The following FABP6 variants were observed in gnomAD, a reference collection of about 807,000 sequenced individuals.
The protein encoded by FABP6 is fatty acid binding protein 6.
Under a neutral mutation model 14.9 loss-of-function variants are expected in FABP6, and 13 were observed. The observed-to-expected ratio is 0.87, with a 90% CI of 0.57 to 1.39. FABP6 has a LOEUF of 1.39. Among genes scored for constraint, FABP6 ranks in the 40% most tolerant of loss-of-function variants. The pLI, the probability that FABP6 is intolerant of heterozygous loss-of-function variation, is 0.00. For synonymous variants in FABP6, 75 were observed against 63.6 expected (o/e 1.18, Z -0.85); for missense variants, 161 against 167.2 (o/e 0.96, Z 0.20).
chr5:160,224,171 G>A (rs1056635479), intron 3 of FABP6, among the ~76,000 whole-genome samples: 17 of 152,268 alleles, frequency 1.1e-4, no homozygotes, highest in Middle Eastern at 3.4e-3. Flanking sequence ...AGGAGGTGAA[G>A]CTTGCAGTGA....
upstream of FABP6, among the ~76,000 whole-genome samples, chr5:160,226,366 G>A (rs1760246810): frequency 1.3e-5 from 2 of 151,660 alleles, no homozygotes; most frequent in South Asian, 4.2e-4. Flanking sequence ...TTCGAGACCA[G>A]CCTCGCCAAC....
At chr5:160,199,519 G>A (rs1388389858) in intron 2 of FABP6, among the ~76,000 whole-genome samples, 3 of 152,256 alleles carry the variant, frequency 2.0e-5, no homozygotes, top group South Asian at 4.1e-4. Flanking sequence ...GGCCACCAGA[G>A]GGCGCGCCAG....
intron 3 of FABP6, among the ~76,000 whole-genome samples, chr5:160,236,444 T>TG (rs1258586715): frequency 3.3e-5 from 5 of 152,074 alleles, no homozygotes; most frequent in African/African-American, 9.7e-5. Context: ...ATGGGTTTGG[T>TG]GGGGGGACAC....
intron 1 of FABP6, among the ~76,000 whole-genome samples, chr5:160,189,633 G>A (rs1759357535): frequency 6.6e-6 from 1 of 152,106 alleles, no homozygotes; most frequent in Non-Finnish European, 1.5e-5. Context: ...CACTTTGGGA[G>A]GCTAAGGCAG....
chr5:160,213,093 A>T (rs533420913), intron 2 of FABP6, among the ~76,000 whole-genome samples: 1 of 152,182 alleles, frequency 6.6e-6, no homozygotes, highest in Non-Finnish European at 1.5e-5. Flanking sequence ...CACCCAGAGC[A>T]GTTGGCCCTC....
At chr5:160,211,140 G>A (rs1184544999) in intron 2 of FABP6, among the ~76,000 whole-genome samples, 1 of 152,096 alleles carries the variant, frequency 6.6e-6, no homozygotes, top group East Asian at 1.9e-4. Flanking sequence ...GTCCTGGGGA[G>A]CTGAGAAGTC....
intron 2 of FABP6, among the ~76,000 whole-genome samples, chr5:160,233,313 G>A (rs990431024): frequency 1.2e-4 from 18 of 151,928 alleles, no homozygotes; most frequent in Admixed American, 2.6e-4. Context: ...TCTCTGTGTA[G>A]CACAGAGATA....
chr5:160,229,494 A>G, upstream of FABP6: 2 of 1,611,064 alleles, frequency 1.2e-6, no homozygotes, highest in Non-Finnish European at 1.7e-6. Context: ...CTGGGATAGC[A>G]GACCCCTCAG....
At chr5:160,205,608 G>C (rs983717279) in intron 2 of FABP6, among the ~76,000 whole-genome samples, 1 of 152,176 alleles carries the variant, frequency 6.6e-6, no homozygotes, top group African/African-American at 2.4e-5. Flanking sequence ...ATGGAGATTG[G>C]TTTACCTTTG....
chr5:160,194,840 C>G (rs1332561168), intron 1 of FABP6, among the ~76,000 whole-genome samples: 1 of 152,212 alleles, frequency 6.6e-6, no homozygotes, highest in African/African-American at 2.4e-5. Context: ...TCCCCACTCC[C>G]TGCCCACCCC....
chr5:160,227,918 A>G (rs1215108323), upstream of FABP6, among the ~76,000 whole-genome samples: 7 of 151,322 alleles, frequency 4.6e-5, no homozygotes, highest in East Asian at 1.3e-3. Flanking sequence ...AAATTCCAAG[A>G]TTGGAGATTA....
chr5:160,203,857 A>G (rs557924731), intron 2 of FABP6, among the ~76,000 whole-genome samples: 3 of 152,078 alleles, frequency 2.0e-5, no homozygotes, highest in Admixed American at 2.0e-4. Flanking sequence ...ACGCGCCAAC[A>G]TGCCTGGTTA....
chr5:160,201,858 G>T (rs1003659634), intron 2 of FABP6, among the ~76,000 whole-genome samples: 5 of 152,136 alleles, frequency 3.3e-5, no homozygotes, highest in Non-Finnish European at 7.3e-5. Context: ...CACCTTCCAG[G>T]CTCAAGTGAT....
intron 3 of FABP6, among the ~76,000 whole-genome samples, chr5:160,217,466 C>G (rs544852694): frequency 6.6e-6 from 1 of 152,272 alleles, no homozygotes; most frequent in East Asian, 1.9e-4. Flanking sequence ...CACTGCAAAG[C>G]TGGGAATTGG....
chr5:160,202,479 T>C (rs1221419442), intron 2 of FABP6, among the ~76,000 whole-genome samples: 3 of 152,066 alleles, frequency 2.0e-5, no homozygotes, highest in Non-Finnish European at 2.9e-5. Context: ...AAAAGCAAAA[T>C]GTCAACAAAT....
intron 3 of FABP6, among the ~76,000 whole-genome samples, chr5:160,222,082 A>T (rs1760138410): frequency 6.8e-6 from 1 of 146,288 alleles, no homozygotes; most frequent in African/African-American, 2.5e-5. Context: ...GTTCTTTCCA[A>T]ATTTTTTCTT....
At chr5:160,211,497 G>C (rs1387049538) in intron 2 of FABP6, among the ~76,000 whole-genome samples, 5 of 152,254 alleles carry the variant, frequency 3.3e-5, no homozygotes, top group African/African-American at 1.2e-4. Flanking sequence ...CTGTCAACGA[G>C]GACACCCCAG....
rs145245535 is a variant in FABP6, at chr5:160,232,253, A to G, written c.223A>G (p.Met75Val). Residue 75 changes from methionine to valine, a missense_variant, in exon 2 of 4, where the codon ATG becomes GTG. By Grantham distance (21) the Met-to-Val change is conservative. Transcript: ENST00000402432. Reference protein sequence around the residue: ...TVGKESNIQTMGGKTFKATVQ... With the variant: ...TVGKESNIQTVGGKTFKATVQ... Reference sequence around the variant, plus strand: ...TGGCAAGGAAAGCAACATACAGACAATGGGGGGCAAGACGTTCAAGGTGAG... The same window carrying G: ...TGGCAAGGAAAGCAACATACAGACAGTGGGGGGCAAGACGTTCAAGGTGAG... The G allele has an allele frequency of 5.1e-4, 825 of 1,610,118 alleles. No individual in the cohort carries two copies. Among genetic ancestry groups the G allele is most frequent in the Non-Finnish European group, 6.5e-4 (770 of 1,178,226 alleles).
intron 2 of FABP6, among the ~76,000 whole-genome samples, chr5:160,207,806 C>G (rs926151300): frequency 6.6e-6 from 1 of 151,212 alleles, no homozygotes. Context: ...TCACTGCAAC[C>G]TCCGCCTCCC....
Sources: allele counts gnomAD v4.1 joint callset (sites outside exome capture counted in the v4.1 genomes callset), GRCh38; gene constraint gnomAD v4.1.1; transcripts MANE v1.5; gene names NCBI Gene and HGNC (gene_info 2026-07-23, HGNC 2026-07-21).